PRIM2: variants seen among roughly 807,000 people sequenced by gnomAD.
PRIM2 encodes DNA primase large subunit.
A neutral mutation model predicts 67.3 loss-of-function variants in PRIM2; 39 were observed. That is an observed-to-expected ratio of 0.58 (90% confidence interval 0.45 to 0.76). The LOEUF (loss-of-function observed/expected upper bound fraction) is 0.76. Ranked by LOEUF, PRIM2 falls within the 30% of genes least tolerant of loss-of-function variation. PRIM2 has a pLI of 0.00. For missense variants in PRIM2, 398 were observed against 598.7 expected (o/e 0.66, Z 3.50); for synonymous variants, 143 against 198.7 (o/e 0.72, Z 2.36).
At chr6:57,401,085 A>G (rs1435840626) in intron 7 of PRIM2, among the ~76,000 whole-genome samples, 1 of 151,954 alleles carries the variant, frequency 6.6e-6, no homozygotes, top group African/African-American at 2.4e-5. Context: ...CATATTTTGA[A>G]CTTTATTTCC....
Position 57,619,002 on chromosome 6 carries a change from G to A in PRIM2, c.1230+12545G>A, listed in dbSNP as rs1776804387. 3.9e-5 allele frequency among the ~76,000 whole-genome samples: 6 copies of A among 152,254 alleles called. No homozygotes were observed. In the South Asian group the frequency reaches 6.2e-4, roughly 16 times the overall value. On this transcript the variant is annotated intron_variant, in intron 12 of 13. Transcript: ENST00000615550. ...TGGAGCATTAAATCACCAAAACTAA[G>A]AACCCTCATGGAGTTCATTGCACCT...
At position 57,402,711 on chromosome 6, in the gene PRIM2, T is replaced by C. The variant is rs946167412; in HGVS notation, c.693+20543T>C. Among the ~76,000 whole-genome samples, 4 of 152,206 alleles carry C rather than the reference T, an allele frequency of 2.6e-5. No individual in the cohort carries two copies. In the South Asian group the frequency reaches 8.3e-4, roughly 32 times the overall value. On this transcript the variant is annotated intron_variant, in intron 7 of 13. Coordinates refer to ENST00000615550, the MANE Select transcript of PRIM2 (RefSeq NM_000947.5). ...AAGATCAAATTGTCAAAGTAAGTAT[T>C]ACCAAGCTTATGAGTTTGAATTTTA...
At chr6:57,610,453 T>C (rs1400627352) in intron 12 of PRIM2, among the ~76,000 whole-genome samples, 1 of 152,180 alleles carries the variant, frequency 6.6e-6, no homozygotes, top group Non-Finnish European at 1.5e-5. Context: ...ATTTTTTTTA[T>C]AAAGCATACT....
chr6:57,603,711 C>T (rs1186239590), intron 11 of PRIM2, among the ~76,000 whole-genome samples: 2 of 151,234 alleles, frequency 1.3e-5, no homozygotes, highest in African/African-American at 4.9e-5. Context: ...TTTTCTTATT[C>T]TGTGAAAAAT....
At chr6:57,288,541 T>C in the PRIM2 span, among the ~76,000 whole-genome samples, 8,866 of 152,142 alleles carry the variant, frequency 0.058, 600 homozygotes, top group African/African-American at 0.16. Context: ...TACCTCCCAA[T>C]AGGGGCAACA....
intron 5 of PRIM2, among the ~76,000 whole-genome samples, chr6:57,337,817 C>G (rs1216899465): frequency 6.6e-6 from 1 of 152,028 alleles, no homozygotes; most frequent in Non-Finnish European, 1.5e-5. Context: ...CAAGAACAGA[C>G]AAATTTAAAA....
chr6:57,365,993 TTA>T (rs985167232), intron 5 of PRIM2, among the ~76,000 whole-genome samples: 1 of 149,726 alleles, frequency 6.7e-6, no homozygotes, highest in Non-Finnish European at 1.5e-5. Context: ...AATATAATCG[TTA>T]TGACACATTT....
At chr6:57,393,199 T>C (rs1770414125) in intron 7 of PRIM2, among the ~76,000 whole-genome samples, 3 of 152,122 alleles carry the variant, frequency 2.0e-5, no homozygotes. Context: ...AAGTGGCAGT[T>C]CTTGATTCTT....
chr6:57,399,885 G>T (rs1581864705), intron 7 of PRIM2, among the ~76,000 whole-genome samples: 1 of 152,264 alleles, frequency 6.6e-6, no homozygotes, highest in Non-Finnish European at 1.5e-5. Flanking sequence ...TTTTGATGGG[G>T]TTGTTTGATT....
At chr6:57,287,149 C>A in the PRIM2 span, among the ~76,000 whole-genome samples, 2 of 152,164 alleles carry the variant, frequency 1.3e-5, no homozygotes, top group African/African-American at 4.8e-5. Flanking sequence ...AATGCTTTTA[C>A]GGTGTTGGTA....
chr6:57,277,705 C>T, the PRIM2 span, among the ~76,000 whole-genome samples: 319 of 152,066 alleles, frequency 2.1e-3, 1 homozygote, highest in Non-Finnish European at 3.6e-3. Flanking sequence ...TCTGGCCAGG[C>T]GCGGTGGCTT....
intron 5 of PRIM2, among the ~76,000 whole-genome samples, chr6:57,377,026 A>G (rs1203849709): frequency 6.7e-6 from 1 of 148,844 alleles, no homozygotes; most frequent in African/African-American, 2.5e-5. Flanking sequence ...ACAGGCGTGC[A>G]CCACCATGCC....
intron 13 of PRIM2, among the ~76,000 whole-genome samples, chr6:57,641,924 A>G (rs1777243879): frequency 2.0e-5 from 3 of 152,358 alleles, no homozygotes; most frequent in East Asian, 1.9e-4. Flanking sequence ...GTAAAGACAC[A>G]TGCACACGTA....
the PRIM2 span, among the ~76,000 whole-genome samples, chr6:57,270,534 C>A: frequency 6.6e-6 from 1 of 152,118 alleles, no homozygotes; most frequent in Admixed American, 6.6e-5. Context: ...TGGGCTGAGA[C>A]GATGGGGTTT....
At chr6:57,638,695 C>T (rs1777170064) in intron 13 of PRIM2, among the ~76,000 whole-genome samples, 1 of 150,770 alleles carries the variant, frequency 6.6e-6, no homozygotes, top group African/African-American at 2.4e-5. Flanking sequence ...GGGATCAATG[C>T]AAAAAGAAGA....
At chr6:57,288,185 TGTG>T in the PRIM2 span, among the ~76,000 whole-genome samples, 1 of 152,180 alleles carries the variant, frequency 6.6e-6, no homozygotes, top group Non-Finnish European at 1.5e-5. Context: ...CGCAGCAGTC[TGTG>T]ATCAACCTGC....
At chr6:57,297,998 A>G in the PRIM2 span, among the ~76,000 whole-genome samples, 1 of 152,234 alleles carries the variant, frequency 6.6e-6, no homozygotes, top group African/African-American at 2.4e-5. Flanking sequence ...GAAGGTCGAT[A>G]GGTAATTTTT....
chr6:57,523,275 T>C lies in PRIM2; in HGVS notation c.762-9136T>C, dbSNP rs1264937470. On this transcript the variant is annotated intron_variant, in intron 8 of 13. Coordinates refer to ENST00000615550, the MANE Select transcript of PRIM2 (RefSeq NM_000947.5). ...ATCCCTGTTTTACCAGTGATTAAGA[T>C]GAAAGCAATTAAGAAATCTTTGCAA... is the stretch of plus-strand genomic sequence containing the variant. Among the ~76,000 whole-genome samples the C allele has an allele frequency of 1.3e-3, 196 of 152,350 alleles. 1 individual carries two copies. The highest frequency in any genetic ancestry group is 4.2e-3 in the African/African-American group (176 of 41,584).
chr6:57,517,362 T>C (rs1193641439), intron 8 of PRIM2, among the ~76,000 whole-genome samples: 2 of 152,156 alleles, frequency 1.3e-5, no homozygotes, highest in African/African-American at 2.4e-5. Context: ...ATTTGTGATA[T>C]ATTAGCAACA....
Sources: gnomAD v4.1 joint callset for allele counts (sites outside exome capture counted in the v4.1 genomes callset) on GRCh38, gnomAD v4.1.1 for gene constraint, MANE v1.5 for transcripts, NCBI Gene and HGNC (gene_info 2026-07-23, HGNC 2026-07-21) for gene names.